The following CACNA1I variants were observed in gnomAD, a reference collection of about 807,000 sequenced individuals.
The protein encoded by CACNA1I is voltage-dependent T-type calcium channel subunit alpha-1I.
In CACNA1I, 74 loss-of-function variants were observed where a neutral mutation model predicts 201.6. The observed-to-expected ratio is 0.37, with a 90% confidence interval of 0.30 to 0.45. The LOEUF (loss-of-function observed/expected upper bound fraction) is 0.45, where lower values mean the gene tolerates loss of function less well. Among genes scored for constraint, CACNA1I ranks in the 20% least tolerant of loss-of-function variants. The pLI is 1.00. For synonymous variants in CACNA1I, 1,431 were observed against 1,345.2 expected (o/e 1.06, Z -1.40); for missense variants, 2,346 against 3,138.1 (o/e 0.75, Z 6.03).
intron 6 of CACNA1I, 49 bp downstream of exon 6, chr22:39,641,231 C>A: frequency 1.3e-6 from 2 of 1,511,020 alleles, no homozygotes; most frequent in South Asian, 1.2e-5. Flanking sequence ...GTGGGCAGCT[C>A]TGCCTGGTGG....
Position 39,665,737 on chromosome 22 carries a change from G to T in CACNA1I, c.3978+113G>T. Reference sequence around the variant, plus strand: ...CAACCTCATGCGCCTTGCCAGCTGTGGGCTTCTCCTCCAGGGAGGGAGACA... The same window carrying T: ...CAACCTCATGCGCCTTGCCAGCTGTTGGCTTCTCCTCCAGGGAGGGAGACA... On this transcript the variant is annotated intron_variant, in intron 22 of 36. Transcript: ENST00000402142. The surrounding 1 kb of genome is among the most constrained non-coding windows in gnomAD (Gnocchi z 5.5). 6.5e-7 allele frequency: 1 copy of T among 1,539,812 alleles called. No homozygotes were observed. Among genetic ancestry groups the T allele is most frequent in the South Asian group, 1.2e-5 (1 of 84,100 alleles).
intron 5 of CACNA1I, among the ~76,000 whole-genome samples, chr22:39,640,109 C>T (rs1601486167): frequency 6.6e-6 from 1 of 152,242 alleles, no homozygotes; most frequent in South Asian, 2.1e-4. Flanking sequence ...AGAAGGGCAG[C>T]CCGGCTCGGT....
At chr22:39,667,749 T>C (rs1396670175) in intron 23 of CACNA1I, among the ~76,000 whole-genome samples, 1 of 152,034 alleles carries the variant, frequency 6.6e-6, no homozygotes, top group African/African-American at 2.4e-5. Context: ...GATGAGGAAA[T>C]GGGCCCATAG....
At chr22:39,642,071 G>A (rs757427416) in intron 6 of CACNA1I, among the ~76,000 whole-genome samples, 18 of 152,132 alleles carry the variant, frequency 1.2e-4, no homozygotes, top group South Asian at 4.1e-4. Context: ...GCTGAACTCT[G>A]CTGCCTCCGC....
intron 1 of CACNA1I, among the ~76,000 whole-genome samples, chr22:39,575,151 T>A (rs1002199237): frequency 2.0e-5 from 3 of 152,232 alleles, no homozygotes; most frequent in Admixed American, 6.5e-5. Flanking sequence ...GGATTCGAAA[T>A]GTCAGGGGAT....
chr22:39,611,884 C>A (rs1474416947), intron 3 of CACNA1I, among the ~76,000 whole-genome samples: 1 of 152,148 alleles, frequency 6.6e-6, no homozygotes, highest in Non-Finnish European at 1.5e-5. Flanking sequence ...CCCCCAAATC[C>A]CCCCTGTACT....
chr22:39,667,207 C>T (rs1935225259), intron 23 of CACNA1I, among the ~76,000 whole-genome samples: 1 of 152,214 alleles, frequency 6.6e-6, no homozygotes, highest in Non-Finnish European at 1.5e-5. Context: ...TAGGAGCCTC[C>T]TGTGCCCTTG....
At position 39,659,630 on chromosome 22, in the gene CACNA1I, C is replaced by G; in HGVS notation, c.2449-67C>G. On this transcript the variant is annotated intron_variant, in intron 13 of 36. Coordinates refer to ENST00000402142, the MANE Select transcript of CACNA1I (RefSeq NM_021096.4). This position sits in a 1 kb window ranked among gnomAD's most constrained non-coding sequence, Gnocchi z 4.3. ...TGGGAGGGGCGGGGCTGACAACTCCCATGCCTCCTTGTAGAGCCTAGCCCT... is the reference window on the plus strand; with the variant it reads ...TGGGAGGGGCGGGGCTGACAACTCCGATGCCTCCTTGTAGAGCCTAGCCCT... 6.2e-7 allele frequency: 1 copy of G among 1,604,448 alleles called. No individual in the cohort carries two copies. Among genetic ancestry groups the G allele is most frequent in the Non-Finnish European group, 8.5e-7 (1 of 1,171,772 alleles).
At chr22:39,645,976 C>A (rs1934475149) in intron 7 of CACNA1I, among the ~76,000 whole-genome samples, 1 of 152,196 alleles carries the variant, frequency 6.6e-6, no homozygotes, top group Non-Finnish European at 1.5e-5. Flanking sequence ...CAGGGCTGGG[C>A]AAGGACTCAG....
chr22:39,570,867 G>A lies in CACNA1I; in HGVS notation c.115G>A (p.Glu39Lys), dbSNP rs751458292. 1 of 1,613,738 alleles carries A rather than the reference G, an allele frequency of 6.2e-7. No individual in the cohort carries two copies. The highest frequency in any genetic ancestry group is 8.5e-7 in the Non-Finnish European group (1 of 1,179,842). The change falls in exon 1 of 37, where the codon GAG becomes AAG. Residue 39 changes from glutamate (E) to lysine (K), a missense_variant. This residue lies in a region of CACNA1I where 130 missense variants were observed against 160.7 expected (regional missense o/e 0.81). Coordinates refer to ENST00000402142, the MANE Select transcript of CACNA1I (RefSeq NM_021096.4). ...RSPPSSPPGLEEPLDGADPHV... is the reference protein window; with the variant it reads ...RSPPSSPPGLKEPLDGADPHV... ...CCCCCCATCCTCCCCGCCAGGCCTG[G>A]AGGAGCCTCTGGATGGAGCTGATCC...
In CACNA1I at chr22:39,684,586, G is replaced by C; in HGVS notation, c.6027+88G>C. 1 of 1,430,346 alleles carries C rather than the reference G, an allele frequency of 7.0e-7. No homozygotes were observed. Among genetic ancestry groups the C allele is most frequent in the South Asian group, 1.2e-5 (1 of 81,778 alleles). The allele number at this position is 1,430,346 out of a possible 1,614,324, so 88.6% of individuals were successfully genotyped here. ...GCCTGGAAGTCCAAGGGACTGGGAG[G>C]GGAAGGACCCAACCAAAGGCCGAGG... is the stretch of plus-strand genomic sequence containing the variant. On this transcript the variant is annotated intron_variant, in intron 36 of 36. Coordinates refer to ENST00000402142, the MANE Select transcript of CACNA1I (RefSeq NM_021096.4). This position sits in a 1 kb window ranked among gnomAD's most constrained non-coding sequence, Gnocchi z 4.6.
At chr22:39,657,022 G>T (rs1384859685) in intron 10 of CACNA1I, among the ~76,000 whole-genome samples, 2 of 152,108 alleles carry the variant, frequency 1.3e-5, no homozygotes, top group Non-Finnish European at 2.9e-5. Flanking sequence ...TGGATGAATT[G>T]GTTCCTCACT....
intron 24 of CACNA1I, among the ~76,000 whole-genome samples, chr22:39,669,411 CAT>C (rs1217434489): frequency 6.6e-6 from 1 of 152,248 alleles, no homozygotes. Flanking sequence ...GGAATCTGTG[CAT>C]CCAAGTTCTC....
At chr22:39,637,659 C>T (rs948487257) in intron 5 of CACNA1I, among the ~76,000 whole-genome samples, 1 of 152,220 alleles carries the variant, frequency 6.6e-6, no homozygotes, top group Non-Finnish European at 1.5e-5. Flanking sequence ...AGTGTACTCA[C>T]TCAGCGGAAT....
chr22:39,630,943 A>T (rs5750863), intron 4 of CACNA1I, among the ~76,000 whole-genome samples: 69,168 of 151,660 alleles, frequency 0.46, 17,481 homozygotes, highest in East Asian at 0.9. Flanking sequence ...GCTGCCAGTC[A>T]GGCTGGTGCC....
intron 10 of CACNA1I, among the ~76,000 whole-genome samples, chr22:39,654,715 A>G (rs1934760812): frequency 6.6e-6 from 1 of 152,098 alleles, no homozygotes; most frequent in Non-Finnish European, 1.5e-5. Flanking sequence ...CCTGGAGGTG[A>G]TGGCACTGGG....
Position 39,685,876 on chromosome 22 carries a change from C to T in CACNA1I, c.6143C>T (p.Pro2048Leu), listed in dbSNP as rs1935847325. The T allele has an allele frequency of 3.4e-6, 5 of 1,461,748 alleles. No individual in the cohort carries two copies. The Admixed American group carries it at 7.5e-5, about 22-fold the overall frequency. 90.5% of individuals were successfully genotyped at this position (1,461,748 alleles called of 1,614,324 possible). The change falls in exon 37 of 37, where the codon CCG becomes CTG. Residue 2048 changes from proline to leucine, a missense_variant. Pro to Leu is a moderately conservative substitution (Grantham distance 98, BLOSUM62 -3). This residue lies in a region of CACNA1I where 441 missense variants were observed against 555.6 expected (regional missense o/e 0.79). Coordinates refer to ENST00000402142, the MANE Select transcript of CACNA1I (RefSeq NM_021096.4). The surrounding 1 kb of genome is among the most constrained non-coding windows in gnomAD (Gnocchi z 5.0). ...LSDSPRRALG[P>L]PAPAPGPRAG... ...GACAGCCCCCGGCGTGCCCTGGGGC[C>T]GCCCGCGCCTGCTCCAGGACCCCGG...
At chr22:39,623,118 C>T (rs970658821) in intron 4 of CACNA1I, among the ~76,000 whole-genome samples, 6 of 152,162 alleles carry the variant, frequency 3.9e-5, no homozygotes, top group Non-Finnish European at 8.8e-5. Flanking sequence ...GGACGGGACA[C>T]GGGCGGAGGC....
At position 39,648,899 on chromosome 22, in the gene CACNA1I, G is replaced by A. The variant is rs1169119332; in HGVS notation, c.1568-602G>A. ...CTCTTCCCAGGGGCCCTTCCTGCCC[G>A]CTGCCCCCACCTCCACCCCTTGCGT... On this transcript the variant is annotated intron_variant, in intron 9 of 36. Coordinates refer to ENST00000402142, the MANE Select transcript of CACNA1I (RefSeq NM_021096.4). The surrounding 1 kb of genome is among the most constrained non-coding windows in gnomAD (Gnocchi z 5.4). Among the ~76,000 whole-genome samples the A allele has an allele frequency of 6.6e-6, 1 of 151,972 alleles. No individual in the cohort carries two copies. Among genetic ancestry groups the A allele is most frequent in the Non-Finnish European group, 1.5e-5 (1 of 67,992 alleles).
Sources: gnomAD v4.1 joint callset for allele counts (sites outside exome capture counted in the v4.1 genomes callset) on GRCh38, gnomAD v4.1.1 for gene constraint, gnomAD v4.1.1 regional missense constraint, Gnocchi (gnomAD v3.1) non-coding constraint, MANE v1.5 for transcripts, NCBI Gene and HGNC (gene_info 2026-07-23, HGNC 2026-07-21) for gene names.